Variants in EYA2 observed in about 807,000 individuals in gnomAD.
EYA2 encodes EYA transcriptional coactivator and phosphatase 2.
EYA2 carries 31 observed loss-of-function variants against 69.2 expected under a neutral mutation model. That is an observed-to-expected ratio of 0.45 (90% CI 0.34 to 0.60). The LOEUF (loss-of-function observed/expected upper bound fraction) is 0.60, where lower values mean the gene tolerates loss of function less well. Among genes scored for constraint, EYA2 ranks in the 20% least tolerant of loss-of-function variants. The pLI, the probability that EYA2 is intolerant of heterozygous loss-of-function variation, is 0.02. For missense variants in EYA2, 622 were observed against 701.2 expected (o/e 0.89, Z 1.28); for synonymous variants, 257 against 279.4 (o/e 0.92, Z 0.80).
chr20:46,936,839 C>T (rs1007098376), intron 1 of EYA2, among the ~76,000 whole-genome samples: 7 of 152,036 alleles, frequency 4.6e-5, no homozygotes, highest in African/African-American at 1.5e-4. Flanking sequence ...TTTTGCGATT[C>T]GGGGATTTCT....
At chr20:47,038,494 T>TAAATAA (rs1984842378) in intron 5 of EYA2, among the ~76,000 whole-genome samples, 1 of 152,080 alleles carries the variant, frequency 6.6e-6, no homozygotes, top group Admixed American at 6.5e-5. Context: ...TTGTCTCAAA[T>TAAATAA]AAATAAAAAT....
At chr20:47,128,125 G>A (rs545833064) in intron 9 of EYA2, among the ~76,000 whole-genome samples, 36 of 152,308 alleles carry the variant, frequency 2.4e-4, no homozygotes, top group African/African-American at 7.2e-4. Flanking sequence ...TGAGCCCTTC[G>A]GGGGCAGCTA....
intron 10 of EYA2, chr20:47,167,102 C>T (rs3091782): frequency 0.63 from 96,604 of 154,184 alleles, 32,076 homozygotes; most frequent in African/African-American, 0.86. Flanking sequence ...GCATCCCTTA[C>T]GACTCTTGGC....
intron 5 of EYA2, among the ~76,000 whole-genome samples, chr20:47,053,183 A>G (rs1051557416): frequency 2.6e-5 from 4 of 151,254 alleles, no homozygotes; most frequent in African/African-American, 9.8e-5. Context: ...TTTCTTCTAG[A>G]TGAAATTACA....
intron 7 of EYA2, among the ~76,000 whole-genome samples, chr20:47,075,141 A>T (rs546523348): frequency 9.1e-4 from 139 of 152,268 alleles, no homozygotes; most frequent in Middle Eastern, 3.4e-3. Context: ...TAAAATACCC[A>T]TCTGTTTCGT....
intron 4 of EYA2, 27 bp from the exon 5 acceptor site, chr20:47,016,154 C>G: frequency 6.4e-7 from 1 of 1,550,698 alleles, no homozygotes; most frequent in Non-Finnish European, 8.9e-7. Context: ...GTCCTTGGTC[C>G]TTTTTTTTCC....
intron 1 of EYA2, among the ~76,000 whole-genome samples, chr20:46,942,433 A>G (rs755147809): frequency 6.6e-6 from 1 of 151,910 alleles, no homozygotes; most frequent in African/African-American, 2.4e-5. Context: ...TAGGGGGGGA[A>G]AACTCTCTTA....
At chr20:46,974,757 T>G (rs1473319339) in intron 1 of EYA2, among the ~76,000 whole-genome samples, 1 of 152,132 alleles carries the variant, frequency 6.6e-6, no homozygotes, top group Non-Finnish European at 1.5e-5. Flanking sequence ...CTTTTTTTCT[T>G]TTTAATGGCT....
Position 47,120,095 on chromosome 20 carries a change from C to T in EYA2, c.888+22927C>T, listed in dbSNP as rs201684555. Reference sequence around the variant, plus strand: ...TGGTGGCACACACCTGTAGACCCAGCTACTCAGGAGACTGAGGCAGAAGAA... The same window carrying T: ...TGGTGGCACACACCTGTAGACCCAGTTACTCAGGAGACTGAGGCAGAAGAA... On this transcript the variant is annotated intron_variant, in intron 9 of 15. Transcript: ENST00000327619. Among the ~76,000 whole-genome samples, 8 of 152,298 alleles carry T rather than the reference C, an allele frequency of 5.3e-5. No individual in the cohort carries two copies. The East Asian group carries it at 1.5e-3, about 29-fold the overall frequency.
intron 9 of EYA2, among the ~76,000 whole-genome samples, chr20:47,139,988 C>T (rs2033560847): frequency 6.6e-6 from 1 of 152,152 alleles, no homozygotes; most frequent in African/African-American, 2.4e-5. Flanking sequence ...ATTTGGTATG[C>T]AATAATTACT....
At chr20:47,140,967 T>C (rs2033582181) in intron 9 of EYA2, among the ~76,000 whole-genome samples, 1 of 152,120 alleles carries the variant, frequency 6.6e-6, no homozygotes, top group African/African-American at 2.4e-5. Context: ...TGGAAACTAA[T>C]CTATTCCTGA....
At chr20:47,022,361 T>TG (rs1250736875) in intron 5 of EYA2, among the ~76,000 whole-genome samples, 2 of 152,254 alleles carry the variant, frequency 1.3e-5, no homozygotes, top group Non-Finnish European at 2.9e-5. Flanking sequence ...TCGTCCAGGC[T>TG]GGAGTACAAT....
intron 2 of EYA2, among the ~76,000 whole-genome samples, chr20:47,000,492 G>C (rs1278511175): frequency 6.6e-6 from 1 of 152,234 alleles, no homozygotes; most frequent in Non-Finnish European, 1.5e-5. Context: ...AGAACAGGGA[G>C]TGGGCATTGG....
intron 1 of EYA2, among the ~76,000 whole-genome samples, chr20:46,936,342 A>G (rs61001142): frequency 1.4e-3 from 206 of 152,264 alleles, no homozygotes; most frequent in African/African-American, 4.5e-3. Context: ...GTGGTGGCAC[A>G]CGCTTGTAGT....
intron 9 of EYA2, among the ~76,000 whole-genome samples, chr20:47,113,097 C>G (rs935888678): frequency 2.3e-4 from 35 of 151,572 alleles, no homozygotes; most frequent in Non-Finnish European, 1.5e-5. Context: ...GGTCTTGAAC[C>G]CCCGACCTCA....
intron 1 of EYA2, 27 bp from the exon 2 acceptor site, chr20:46,989,974 A>G (rs1568708650): frequency 8.6e-7 from 1 of 1,158,714 alleles, no homozygotes; most frequent in Admixed American, 1.7e-5. Context: ...TAATGAATAA[A>G]TTATATTTCC....
chr20:47,143,652 C>T (rs78603897), intron 10 of EYA2, among the ~76,000 whole-genome samples: 2,003 of 152,020 alleles, frequency 0.013, 52 homozygotes, highest in East Asian at 0.092. Flanking sequence ...CTCCTGAGCC[C>T]GTAAGCAAGA....
chr20:47,171,174 A>T (rs560460669), intron 11 of EYA2, among the ~76,000 whole-genome samples: 1 of 152,210 alleles, frequency 6.6e-6, no homozygotes, highest in East Asian at 1.9e-4. Flanking sequence ...TTCTGTTTCT[A>T]TAGTTTCCCC....
At chr20:47,158,959 G>A (rs2034010639) in intron 10 of EYA2, among the ~76,000 whole-genome samples, 1 of 152,026 alleles carries the variant, frequency 6.6e-6, no homozygotes, top group Admixed American at 6.5e-5. Flanking sequence ...AATAAATAAT[G>A]TAATATCAGA....
Sources: gnomAD v4.1 joint callset for allele counts (sites outside exome capture counted in the v4.1 genomes callset) on GRCh38, gnomAD v4.1.1 for gene constraint, MANE v1.5 for transcripts, NCBI Gene and HGNC (gene_info 2026-07-23, HGNC 2026-07-21) for gene names.